ABLIM2: variants seen among roughly 807,000 people sequenced by gnomAD.
ABLIM2 encodes actin-binding LIM protein 2.
A neutral mutation model predicts 97.7 loss-of-function variants in ABLIM2; 53 were observed. That is an observed-to-expected ratio of 0.54 (90% CI 0.44 to 0.68). ABLIM2 has a LOEUF of 0.68. Ranked by LOEUF, ABLIM2 falls within the 30% of genes least tolerant of loss-of-function variation. The pLI, the probability that ABLIM2 is intolerant of heterozygous loss-of-function variation, is 0.00. For missense variants in ABLIM2, 835 were observed against 867.2 expected, an observed-to-expected ratio of 0.96 and a Z score of 0.47; for synonymous variants, 361 against 345.8, an observed-to-expected ratio of 1.04 and a Z score of -0.49.
At chr4:8,030,379 G>A (rs750068291) in intron 10 of ABLIM2, among the ~76,000 whole-genome samples, 3 of 152,200 alleles carry the variant, frequency 2.0e-5, no homozygotes, top group Non-Finnish European at 4.4e-5. Flanking sequence ...GGGAGAGCAG[G>A]CTGCCTGGCC....
intron 20 of ABLIM2, among the ~76,000 whole-genome samples, chr4:7,978,752 A>G (rs1735658562): frequency 1.3e-5 from 2 of 152,152 alleles, no homozygotes; most frequent in South Asian, 4.1e-4. Flanking sequence ...CGTGCTTGGG[A>G]TGGGACCTGA....
chr4:8,062,674 C>T (rs530771601), intron 6 of ABLIM2, among the ~76,000 whole-genome samples: 30 of 152,164 alleles, frequency 2.0e-4, no homozygotes, highest in African/African-American at 4.6e-4. Flanking sequence ...CTCCTGACCT[C>T]GTGATCCGCC....
intron 14 of ABLIM2, among the ~76,000 whole-genome samples, chr4:8,012,310 C>G (rs533275387): frequency 6.7e-6 from 1 of 149,408 alleles, no homozygotes; most frequent in Non-Finnish European, 1.5e-5. Context: ...CCATCCTTCA[C>G]CCATCCATCC....
At position 8,122,366 on chromosome 4, in the gene ABLIM2, T is replaced by C. The variant is rs1001215785; in HGVS notation, c.11-15729A>G. Among the ~76,000 whole-genome samples, 13 of 152,186 alleles carry C rather than the reference T, an allele frequency of 8.5e-5. No individual in the cohort carries two copies. The highest frequency in any genetic ancestry group is 3.1e-4 in the African/African-American group (13 of 41,458). On this transcript the variant is annotated intron_variant, in intron 1 of 20. Coordinates refer to ENST00000447017, the MANE Select transcript of ABLIM2 (RefSeq NM_001130083.2). The surrounding 1 kb of genome is among the most constrained non-coding windows in gnomAD (Gnocchi z 4.1). ...TGGTCCATGTGGGCTGCCAGAACAATACCAGATGTGGTGGCTTAAAAGACT... is the reference window on the plus strand; with the variant it reads ...TGGTCCATGTGGGCTGCCAGAACAACACCAGATGTGGTGGCTTAAAAGACT...
At chr4:8,139,933 A>T (rs10032335) in intron 1 of ABLIM2, among the ~76,000 whole-genome samples, 40,650 of 152,024 alleles carry the variant, frequency 0.27, 7,240 homozygotes, top group African/African-American at 0.51. Flanking sequence ...AAAAAAGGAA[A>T]GAGATCGTGT....
At chr4:8,158,112 G>A (rs1481592664) in intron 1 of ABLIM2, among the ~76,000 whole-genome samples, 5 of 152,218 alleles carry the variant, frequency 3.3e-5, no homozygotes, top group South Asian at 2.1e-4. Flanking sequence ...AGGGGCGAGG[G>A]GCTGGAGACG....
intron 1 of ABLIM2, among the ~76,000 whole-genome samples, chr4:8,129,157 G>A (rs908684854): frequency 6.6e-5 from 10 of 152,190 alleles, no homozygotes; most frequent in Admixed American, 1.3e-4. Flanking sequence ...GGCAGGAAAT[G>A]TTTCCTTTTA....
intron 3 of ABLIM2, among the ~76,000 whole-genome samples, chr4:8,094,499 G>T (rs57235575): frequency 0.042 from 6,338 of 152,282 alleles, 413 homozygotes; most frequent in African/African-American, 0.14. Context: ...AGCAAGCAGG[G>T]TATACGTGAC....
chr4:8,080,465 G>A (rs1037243850), intron 5 of ABLIM2, among the ~76,000 whole-genome samples: 1 of 152,214 alleles, frequency 6.6e-6, no homozygotes, highest in Non-Finnish European at 1.5e-5. Context: ...GAGAAGCCAG[G>A]GCTGGCCAGG....
chr4:8,111,494 G>A (rs1258546844), intron 1 of ABLIM2, among the ~76,000 whole-genome samples: 2 of 152,208 alleles, frequency 1.3e-5, no homozygotes, highest in African/African-American at 4.8e-5. Context: ...ATACATCAAC[G>A]TTGGTACAGT....
chr4:8,066,352 G>A (rs1580330724), intron 6 of ABLIM2, among the ~76,000 whole-genome samples: 1 of 79,802 alleles, frequency 1.3e-5, no homozygotes, highest in South Asian at 4.7e-4. Flanking sequence ...GAGAGAGGGA[G>A]GGAGGGAGGG....
At position 8,071,581 on chromosome 4, in the gene ABLIM2, T is replaced by C. The variant is rs1812110322; in HGVS notation, c.675+6047A>G. On this transcript the variant is annotated intron_variant, in intron 6 of 20. Coordinates refer to ENST00000447017, the MANE Select transcript of ABLIM2 (RefSeq NM_001130083.2). The surrounding 1 kb of genome is among the most constrained non-coding windows in gnomAD (Gnocchi z 6.2). ...AGTGGGAGCCTGGGATGCTCTGTGC[T>C]TGGGTCCTGCAGAGGGAAGCCAGGG... Among the ~76,000 whole-genome samples the C allele has an allele frequency of 6.6e-6, 1 of 151,988 alleles. No individual in the cohort carries two copies. Among genetic ancestry groups the C allele is most frequent in the African/African-American group, 2.4e-5 (1 of 41,380 alleles).
At chr4:8,143,677 G>C (rs1037464216) in intron 1 of ABLIM2, among the ~76,000 whole-genome samples, 2 of 152,170 alleles carry the variant, frequency 1.3e-5, no homozygotes, top group African/African-American at 4.8e-5. Flanking sequence ...GCTTTCTCAT[G>C]GAGTGTCATC....
chr4:8,065,394 C>T (rs1349233160), intron 6 of ABLIM2, among the ~76,000 whole-genome samples: 1 of 152,174 alleles, frequency 6.6e-6, no homozygotes, highest in Admixed American at 6.5e-5. Flanking sequence ...ATAGGAGACA[C>T]CACTTCATAC....
intron 6 of ABLIM2, among the ~76,000 whole-genome samples, chr4:8,064,074 A>C (rs1376205787): frequency 6.6e-6 from 1 of 152,272 alleles, no homozygotes; most frequent in East Asian, 1.9e-4. Flanking sequence ...GGAAAGACAC[A>C]GAAGCAGAAG....
chr4:8,121,327 G>A (rs756578314), intron 1 of ABLIM2, among the ~76,000 whole-genome samples: 6 of 152,232 alleles, frequency 3.9e-5, no homozygotes, highest in African/African-American at 7.2e-5. Flanking sequence ...TGGGCTCCGG[G>A]CAGACGCCAG....
rs1036433701 is a variant in ABLIM2, at chr4:8,113,672, G to A, written c.11-7035C>T. On this transcript the variant is annotated intron_variant, in intron 1 of 20. Transcript: ENST00000447017. This position sits in a 1 kb window ranked among gnomAD's most constrained non-coding sequence, Gnocchi z 4.5. ...TTCTCATCGGAGGCCCGCTCCATCC[G>A]CCAAGATGATTTCAGAAAGCTCCCC... 7.2e-5 allele frequency among the ~76,000 whole-genome samples: 11 copies of A among 152,178 alleles called. No homozygotes were observed. Among genetic ancestry groups the A allele is most frequent in the African/African-American group, 1.7e-4 (7 of 41,450 alleles).
At position 8,071,288 on chromosome 4, in the gene ABLIM2, A is replaced by G. The variant is rs1336611534; in HGVS notation, c.675+6340T>C. On this transcript the variant is annotated intron_variant, in intron 6 of 20. Transcript: ENST00000447017. The surrounding 1 kb of genome is among the most constrained non-coding windows in gnomAD (Gnocchi z 6.2). ...AGCCATCCCGGCCCAGGAGTGGGAC[A>G]CAGATATCAGCCCCTCCCATGCCCC... Among the ~76,000 whole-genome samples the G allele has an allele frequency of 2.0e-5, 3 of 152,098 alleles. No homozygotes were observed. Among genetic ancestry groups the G allele is most frequent in the Non-Finnish European group, 4.4e-5 (3 of 68,002 alleles).
At chr4:7,984,548 C>A (rs547873892) in intron 18 of ABLIM2, among the ~76,000 whole-genome samples, 2 of 152,372 alleles carry the variant, frequency 1.3e-5, no homozygotes, top group Admixed American at 6.5e-5. Context: ...AAGCCTTGTG[C>A]CTGTGACTCT....
Sources: allele counts gnomAD v4.1 joint callset (sites outside exome capture counted in the v4.1 genomes callset), GRCh38; gene constraint gnomAD v4.1.1; non-coding constraint Gnocchi (gnomAD v3.1); transcripts MANE v1.5; gene names NCBI Gene and HGNC (gene_info 2026-07-23, HGNC 2026-07-21).